UHRF1: variants seen among roughly 807,000 people sequenced by gnomAD.
The protein encoded by UHRF1 is ubiquitin like with PHD and ring finger domains 1.
A neutral mutation model predicts 96.5 loss-of-function variants in UHRF1; 9 were observed. The ratio of observed to expected loss-of-function variants is 0.09; its 90% CI spans 0.06 to 0.16. The LOEUF (loss-of-function observed/expected upper bound fraction) is 0.16, where lower values mean the gene tolerates loss of function less well. Among genes scored for constraint, UHRF1 ranks in the 10% least tolerant of loss-of-function variants. UHRF1 has a pLI of 1.00. For synonymous variants in UHRF1, 455 were observed against 469.9 expected (o/e 0.97, Z 0.41); for missense variants, 626 against 1,131.1 (o/e 0.55, Z 6.40).
At chr19:4,925,088 G>A (rs1407384834) in intron 2 of UHRF1, among the ~76,000 whole-genome samples, 3 of 152,052 alleles carry the variant, frequency 2.0e-5, no homozygotes, top group African/African-American at 7.2e-5. Flanking sequence ...TGGCCTCCCA[G>A]AGTGTTGAGA....
chr19:4,914,818 C>T (rs1271561053), intron 2 of UHRF1, among the ~76,000 whole-genome samples: 2 of 152,150 alleles, frequency 1.3e-5, no homozygotes, highest in African/African-American at 4.8e-5. Context: ...AGGGCTAATA[C>T]CCACCACGCT....
chr19:4,937,209 A>C (rs951604229), intron 5 of UHRF1, among the ~76,000 whole-genome samples: 1 of 151,644 alleles, frequency 6.6e-6, no homozygotes, highest in Non-Finnish European at 1.5e-5. Flanking sequence ...GACTCTCCAT[A>C]ATTACAGATT....
chr19:4,950,567 T>C, intron 11 of UHRF1, 44 bp from the exon 12 acceptor site: 2 of 1,581,310 alleles, frequency 1.3e-6, no homozygotes, highest in Non-Finnish European at 1.7e-6. Context: ...TTTTGGGGGG[T>C]ACATCCTCAC....
intron 2 of UHRF1, among the ~76,000 whole-genome samples, chr19:4,922,826 CT>C (rs1410619414): frequency 1.3e-5 from 2 of 152,216 alleles, no homozygotes; most frequent in African/African-American, 4.8e-5. Flanking sequence ...CCATTTGCCC[CT>C]GTCTACATCA....
At chr19:4,920,294 T>C (rs2032662237) in intron 2 of UHRF1, among the ~76,000 whole-genome samples, 2 of 151,934 alleles carry the variant, frequency 1.3e-5, no homozygotes, top group South Asian at 4.1e-4. Flanking sequence ...TAGCTGGGTA[T>C]GCTGGCATGT....
chr19:4,909,197 T>G, upstream of UHRF1: 1 of 446,614 alleles, frequency 2.2e-6, no homozygotes, highest in Non-Finnish European at 4.0e-6. Flanking sequence ...GACTTGGACT[T>G]AAGAGTTCAG....
intron 5 of UHRF1, among the ~76,000 whole-genome samples, chr19:4,938,830 A>G (rs1334850279): frequency 7.1e-6 from 1 of 141,000 alleles, no homozygotes; most frequent in East Asian, 2.1e-4. Flanking sequence ...TGTAGCCCCA[A>G]CCTCCTGGGC....
chr19:4,922,986 A>C (rs1340058160), intron 2 of UHRF1, among the ~76,000 whole-genome samples: 1 of 152,198 alleles, frequency 6.6e-6, no homozygotes, highest in Non-Finnish European at 1.5e-5. Flanking sequence ...TGTTGTCCCT[A>C]GTAACAGATG....
chr19:4,925,670 C>T (rs1214219082), intron 2 of UHRF1, among the ~76,000 whole-genome samples: 6 of 151,006 alleles, frequency 4.0e-5, no homozygotes, highest in East Asian at 2.0e-4. Context: ...TACAGGCACC[C>T]GCCACCACGC....
At chr19:4,911,129 C>A (rs2032256827) in intron 2 of UHRF1, 91 bp downstream of exon 2, 5 of 1,272,308 alleles carry the variant, frequency 3.9e-6, no homozygotes, top group African/African-American at 1.5e-5. Context: ...TCCCACCTCC[C>A]CCCCCAACAA....
chr19:4,915,339 A>T (rs1407999265), intron 2 of UHRF1, among the ~76,000 whole-genome samples: 2 of 152,150 alleles, frequency 1.3e-5, no homozygotes, highest in African/African-American at 4.8e-5. Context: ...GTGACTCACC[A>T]CTGCTGTTGT....
intron 10 of UHRF1, 35 bp downstream of exon 10, chr19:4,946,000 G>T: frequency 6.9e-7 from 1 of 1,448,630 alleles, no homozygotes; most frequent in South Asian, 1.2e-5. Context: ...GGGGAGGGTT[G>T]CTCTAGTTTT....
intron 5 of UHRF1, 31 bp from the exon 6 acceptor site, chr19:4,941,497 C>CAGAAT: frequency 6.3e-7 from 1 of 1,582,312 alleles, no homozygotes; most frequent in Non-Finnish European, 8.6e-7. Flanking sequence ...CTCGGCAGGC[C>CAGAAT]AGAATGTTCC....
intron 5 of UHRF1, among the ~76,000 whole-genome samples, chr19:4,938,730 G>GGTTTTTTTTTTTTT (rs1568421924): frequency 2.4e-4 from 15 of 61,566 alleles, no homozygotes; most frequent in Non-Finnish European, 3.5e-4. Context: ...TTTTGGTCAG[G>GGTTTTTTTTTTTTT]TTTTTTTTTT....
In UHRF1 at chr19:4,950,761, T is replaced by C. The variant is rs370312397; in HGVS notation, c.1668T>C (p.Asp556=). The C allele has an allele frequency of 2.3e-5, 37 of 1,612,078 alleles. No individual in the cohort carries two copies. Among genetic ancestry groups the C allele is most frequent in the Non-Finnish European group, 2.5e-5 (29 of 1,179,136 alleles). ...KYAPAEGNRY[D]GIYKVVKYWP... is the part of the protein sequence containing the mutation. ...CCCCCGCTGAGGGCAACCGCTACGA[T>C]GGCATCTACAAGGTGAGTGCCCCTT... The change falls in exon 12 of 17, where the codon GAT becomes GAC. Residue 556 remains aspartate (D), a synonymous_variant. Coordinates refer to ENST00000650932, the MANE Select transcript of UHRF1 (RefSeq NM_001048201.3).
rs1172511762 is a variant in UHRF1 at position 4,941,544 on chromosome 19, G to C, written c.802G>C (p.Asp268His). 9.3e-6 allele frequency: 15 copies of C among 1,613,388 alleles called. No individual in the cohort carries two copies. The highest frequency in any genetic ancestry group is 1.2e-5 in the Non-Finnish European group (14 of 1,179,668). ...NVVLGDDSLN[D>H]CRIIFVDEVF... Reference sequence around the variant, plus strand: ...TCCTTGCAGGGATGATTCTCTGAACGACTGTCGGATCATCTTCGTGGACGA... The same window carrying C: ...TCCTTGCAGGGATGATTCTCTGAACCACTGTCGGATCATCTTCGTGGACGA... Residue 268 changes from aspartate (D) to histidine (H), a missense_variant, in exon 6 of 17, where the codon GAC becomes CAC. Physicochemically the swap from Asp to His is moderately conservative, Grantham distance 81. Coordinates refer to ENST00000650932, the MANE Select transcript of UHRF1 (RefSeq NM_001048201.3).
In UHRF1 at chr19:4,913,970, C is replaced by T. The variant is rs563766632; in HGVS notation, c.153+2932C>T. ...GGGATTACAGGTGTGCGCCACCATGCGCAGCTAATTTTTTTTGTATTTTTA... is the reference window on the plus strand; with the variant it reads ...GGGATTACAGGTGTGCGCCACCATGTGCAGCTAATTTTTTTTGTATTTTTA... On this transcript the variant is annotated intron_variant, in intron 2 of 16. Transcript: ENST00000650932. Among the ~76,000 whole-genome samples the T allele has an allele frequency of 5.1e-4, 78 of 152,076 alleles. 1 individual carries two copies. The highest frequency in any genetic ancestry group is 1.3e-3 in the African/African-American group (55 of 41,496).
At position 4,950,601 on chromosome 19, in the gene UHRF1, C is replaced by G. The variant is rs772050989; in HGVS notation, c.1518-10C>G. 6.2e-7 allele frequency: 1 copy of G among 1,610,460 alleles called. No individual in the cohort carries two copies. Among genetic ancestry groups the G allele is most frequent in the South Asian group, 1.1e-5 (1 of 90,796 alleles). ...ACCTATAATGCGTGGGGTCCTGACT[C>G]TCCCTGCAGGGCGCTGGCTCTCAAC... On this transcript the variant is annotated splice_polypyrimidine_tract_variant and intron_variant, in intron 11 of 16. Coordinates refer to ENST00000650932, the MANE Select transcript of UHRF1 (RefSeq NM_001048201.3).
chr19:4,948,411 A>G (rs989201006), intron 11 of UHRF1, among the ~76,000 whole-genome samples: 1 of 152,216 alleles, frequency 6.6e-6, no homozygotes, highest in African/African-American at 2.4e-5. Flanking sequence ...AATAAATCCT[A>G]TAAATTAAAA....
Sources: gnomAD v4.1 joint callset for allele counts (sites outside exome capture counted in the v4.1 genomes callset) on GRCh38, gnomAD v4.1.1 for gene constraint, MANE v1.5 for transcripts, NCBI Gene and HGNC (gene_info 2026-07-23, HGNC 2026-07-21) for gene names.